Variants in PARD3B observed in about 807,000 individuals in gnomAD.
The protein encoded by PARD3B is par-3 family cell polarity regulator beta.
In PARD3B, 103 loss-of-function variants were observed where a neutral mutation model predicts 130.2. The observed-to-expected ratio is 0.79, with a 90% CI of 0.67 to 0.93. The LOEUF is 0.93. Ranked by LOEUF, PARD3B falls within the 40% of genes least tolerant of loss-of-function variation. The pLI, the probability that PARD3B is intolerant of heterozygous loss-of-function variation, is 0.00. For synonymous variants in PARD3B, 583 were observed against 553.2 expected (o/e 1.05, Z -0.76); for missense variants, 1,609 against 1,499.2 (o/e 1.07, Z -1.21).
At chr2:204,650,438 C>T (rs1244291185) in intron 1 of PARD3B, among the ~76,000 whole-genome samples, 1 of 152,080 alleles carries the variant, frequency 6.6e-6, no homozygotes, top group African/African-American at 2.4e-5. Flanking sequence ...CCATAAAGAC[C>T]CATGCATGCA....
intron 22 of PARD3B, among the ~76,000 whole-genome samples, chr2:205,561,811 C>T (rs1011516062): frequency 6.6e-6 from 1 of 152,208 alleles, no homozygotes; most frequent in African/African-American, 2.4e-5. Context: ...ATATCTTCCA[C>T]ATCTGCATAT....
Position 205,183,348 on chromosome 2 carries a change from T to C in PARD3B, c.1925-2416T>C, listed in dbSNP as rs1409552849. Among the ~76,000 whole-genome samples, 1 of 152,192 alleles carries C rather than the reference T, an allele frequency of 6.6e-6. No homozygotes were observed. The highest frequency in any genetic ancestry group is 6.5e-5 in the Admixed American group (1 of 15,276). ...ATCACAAATACGTTCACCATCACTG[T>C]GGAAGATGGACTGAGAGGTTGAGGA... On this transcript the variant is annotated intron_variant, in intron 13 of 22. Transcript: ENST00000406610. This position sits in a 1 kb window ranked among gnomAD's most constrained non-coding sequence, Gnocchi z 5.2.
chr2:204,652,205 G>A (rs1482422610), intron 1 of PARD3B, among the ~76,000 whole-genome samples: 1 of 151,644 alleles, frequency 6.6e-6, no homozygotes, highest in African/African-American at 2.4e-5. Context: ...TCTCCCACAT[G>A]GCCAGGCGCA....
chr2:204,810,169 A>G (rs929316952), intron 2 of PARD3B, among the ~76,000 whole-genome samples: 1 of 152,090 alleles, frequency 6.6e-6, no homozygotes, highest in South Asian at 2.1e-4. Context: ...TTTTCTAGCT[A>G]CAGAATCATG....
At chr2:205,331,914 C>T (rs192889945) in intron 18 of PARD3B, among the ~76,000 whole-genome samples, 83 of 151,442 alleles carry the variant, frequency 5.5e-4, no homozygotes, top group African/African-American at 2.0e-3. Flanking sequence ...AAAACCAGTT[C>T]GGCCAACTGT....
intron 2 of PARD3B, among the ~76,000 whole-genome samples, chr2:204,747,877 T>A (rs2040306215): frequency 6.6e-6 from 1 of 152,090 alleles, no homozygotes; most frequent in African/African-American, 2.4e-5. Flanking sequence ...GGTGTTAATT[T>A]TATCGCATTT....
chr2:204,723,317 A>C (rs2039077878), intron 2 of PARD3B, among the ~76,000 whole-genome samples: 1 of 152,186 alleles, frequency 6.6e-6, no homozygotes, highest in African/African-American at 2.4e-5. Flanking sequence ...GATTCAAATC[A>C]ATTACTTTAT....
intron 1 of PARD3B, among the ~76,000 whole-genome samples, chr2:204,648,772 ATAAT>A (rs1419059630): frequency 6.6e-5 from 1 of 15,090 alleles, no homozygotes; most frequent in Non-Finnish European, 1.0e-4. Flanking sequence ...TATCATATAA[ATAAT>A]ATATATTTAT....
chr2:205,101,671 A>G (rs900008571), intron 4 of PARD3B, among the ~76,000 whole-genome samples: 1 of 152,212 alleles, frequency 6.6e-6, no homozygotes, highest in Non-Finnish European at 1.5e-5. Context: ...AGTGTGGTAT[A>G]TCCATAAAGT....
rs2033895234 is a variant in PARD3B, at chr2:204,610,867, C to T, written c.120+64748C>T. 6.6e-6 allele frequency among the ~76,000 whole-genome samples: 1 copy of T among 152,098 alleles called. No individual in the cohort carries two copies. Among genetic ancestry groups the T allele is most frequent in the Non-Finnish European group, 1.5e-5 (1 of 68,022 alleles). ...AACAGTATTTCTAGTATATAAAATT[C>T]AGTTGATATATGCTTGATACAATTT... On this transcript the variant is annotated intron_variant, in intron 1 of 22. Coordinates refer to ENST00000406610, the MANE Select transcript of PARD3B (RefSeq NM_001302769.2). This position sits in a 1 kb window ranked among gnomAD's most constrained non-coding sequence, Gnocchi z 4.1.
At chr2:205,604,367 A>T (rs2054905580) in intron 22 of PARD3B, among the ~76,000 whole-genome samples, 1 of 149,034 alleles carries the variant, frequency 6.7e-6, no homozygotes, top group South Asian at 2.1e-4. Flanking sequence ...CAGCAGGCAA[A>T]GAGAGAGAGC....
In PARD3B at chr2:205,407,914, A is replaced by T. The variant is rs1407803885; in HGVS notation, c.2741+6791A>T. ...GGAAGCTCATTTGTTGTATTAATTA[A>T]ACATTGCTTTCGTAGATCTTACTAG... On this transcript the variant is annotated intron_variant, in intron 19 of 22. Coordinates refer to ENST00000406610, the MANE Select transcript of PARD3B (RefSeq NM_001302769.2). This position sits in a 1 kb window ranked among gnomAD's most constrained non-coding sequence, Gnocchi z 4.1. 6.6e-6 allele frequency among the ~76,000 whole-genome samples: 1 copy of T among 152,190 alleles called. No homozygotes were observed. The highest frequency in any genetic ancestry group is 1.5e-5 in the Non-Finnish European group (1 of 68,030).
intron 15 of PARD3B, among the ~76,000 whole-genome samples, chr2:205,199,036 T>C (rs1282593352): frequency 6.6e-6 from 1 of 152,132 alleles, no homozygotes; most frequent in African/African-American, 2.4e-5. Flanking sequence ...AAAGTGTCTA[T>C]TTGTATAATA....
intron 18 of PARD3B, among the ~76,000 whole-genome samples, chr2:205,356,070 CAG>C (rs1045990812): frequency 2.0e-5 from 3 of 152,186 alleles, no homozygotes; most frequent in Admixed American, 6.5e-5. Flanking sequence ...CCAGAAATTT[CAG>C]AGTCATTGTG....
intron 2 of PARD3B, among the ~76,000 whole-genome samples, chr2:204,861,924 C>CA (rs60473341): frequency 0.17 from 5,777 of 34,010 alleles, 890 homozygotes; most frequent in Non-Finnish European, 0.23. Context: ...AGACATTTCT[C>CA]AAAAAAAAAA....
At chr2:205,459,211 C>G (rs1017672397) in intron 20 of PARD3B, among the ~76,000 whole-genome samples, 2 of 152,150 alleles carry the variant, frequency 1.3e-5, no homozygotes, top group Non-Finnish European at 2.9e-5. Context: ...GTTCAGTGTG[C>G]TTACCTACCT....
At chr2:205,173,870 A>G (rs893602007) in intron 12 of PARD3B, among the ~76,000 whole-genome samples, 1 of 152,200 alleles carries the variant, frequency 6.6e-6, no homozygotes, top group Admixed American at 6.5e-5. Context: ...CTAGGACTCC[A>G]TGGAACCCGT....
chr2:204,991,188 C>A (rs2125241794), intron 3 of PARD3B, among the ~76,000 whole-genome samples: 1 of 151,324 alleles, frequency 6.6e-6, no homozygotes, highest in African/African-American at 2.4e-5. Context: ...AACGCATCAT[C>A]TAGCATTAGG....
At chr2:205,113,711 G>C (rs1205076314) in intron 6 of PARD3B, 134 bp downstream of exon 6, 2 of 565,972 alleles carry the variant, frequency 3.5e-6, no homozygotes, top group African/African-American at 1.9e-5. Flanking sequence ...ACATACTTCT[G>C]TTGGCCACTT....
Sources: allele counts gnomAD v4.1 joint callset (sites outside exome capture counted in the v4.1 genomes callset), GRCh38; gene constraint gnomAD v4.1.1; non-coding constraint Gnocchi (gnomAD v3.1); transcripts MANE v1.5; gene names NCBI Gene and HGNC (gene_info 2026-07-23, HGNC 2026-07-21).